The following NAV2 variants were observed in gnomAD, a reference collection of about 807,000 sequenced individuals.
The protein encoded by NAV2 is neuron navigator 2.
In NAV2, 54 loss-of-function variants were observed where a neutral mutation model predicts 223.2. The ratio of observed to expected loss-of-function variants is 0.24; its 90% CI spans 0.19 to 0.30. NAV2 has a LOEUF of 0.30. Ranked by LOEUF, NAV2 falls within the 10% of genes least tolerant of loss-of-function variation. NAV2 has a pLI of 1.00. For synonymous variants in NAV2, 1,279 were observed against 1,239.3 expected (o/e 1.03, Z -0.67); for missense variants, 2,806 against 3,147.5 (o/e 0.89, Z 2.60).
chr11:19,755,839 T>C (rs151200049), intron 1 of NAV2, among the ~76,000 whole-genome samples: 12 of 152,304 alleles, frequency 7.9e-5, no homozygotes, highest in Non-Finnish European at 1.6e-4. Context: ...AAATACGATA[T>C]GGAGTTTTAT....
intron 1 of NAV2, among the ~76,000 whole-genome samples, chr11:19,609,359 G>T (rs2046568817): frequency 6.6e-6 from 1 of 152,120 alleles, no homozygotes; most frequent in Admixed American, 6.5e-5. Flanking sequence ...AGGAAAGAGG[G>T]GAGGGAGAAA....
chr11:19,485,090 G>A (rs1238871112), intron 1 of NAV2, among the ~76,000 whole-genome samples: 2 of 152,066 alleles, frequency 1.3e-5, no homozygotes, highest in African/African-American at 4.8e-5. Context: ...CCTTGGCCTT[G>A]CCCTAGAACA....
the NAV2 span, among the ~76,000 whole-genome samples, chr11:19,345,603 G>A: frequency 6.6e-6 from 1 of 152,224 alleles, no homozygotes; most frequent in African/African-American, 2.4e-5. The surrounding 1 kb of genome is among the most constrained non-coding windows in gnomAD (Gnocchi z 5.2). Context: ...CGGACGCATA[G>A]CCACCCGTGC....
At chr11:19,715,058 A>G (rs555831946) in intron 1 of NAV2, among the ~76,000 whole-genome samples, 48 of 152,166 alleles carry the variant, frequency 3.2e-4, no homozygotes, top group Middle Eastern at 6.8e-3. Flanking sequence ...CACCATCTCC[A>G]CCTTCTCCTG....
At chr11:19,377,109 A>G (rs1322062943) in intron 1 of NAV2, among the ~76,000 whole-genome samples, 1 of 152,172 alleles carries the variant, frequency 6.6e-6, no homozygotes. Context: ...GCTCCCAGCA[A>G]TCTCTGTCCT....
At chr11:19,684,140 G>A (rs1274964164) in intron 1 of NAV2, among the ~76,000 whole-genome samples, 2 of 152,130 alleles carry the variant, frequency 1.3e-5, no homozygotes, top group Non-Finnish European at 2.9e-5. Context: ...GGGATAATTA[G>A]CTCCATTTTC....
At chr11:19,431,256 C>T (rs2133595947) in intron 1 of NAV2, among the ~76,000 whole-genome samples, 2 of 152,290 alleles carry the variant, frequency 1.3e-5, no homozygotes, top group South Asian at 4.1e-4. Flanking sequence ...CTGTTGCTTC[C>T]TGGAGCAAGA....
chr11:19,707,807 C>T (rs1432502470), intron 1 of NAV2, among the ~76,000 whole-genome samples: 2 of 152,182 alleles, frequency 1.3e-5, no homozygotes, highest in African/African-American at 4.8e-5. Context: ...AACATGAGTA[C>T]TGTGTTGCAC....
At chr11:19,556,885 C>G (rs1048923326) in intron 1 of NAV2, among the ~76,000 whole-genome samples, 2 of 152,190 alleles carry the variant, frequency 1.3e-5, no homozygotes, top group African/African-American at 4.8e-5. Context: ...GAAATAAAAA[C>G]GTCATTTTTC....
intron 1 of NAV2, among the ~76,000 whole-genome samples, chr11:19,601,156 A>G (rs1390948530): frequency 6.6e-6 from 1 of 152,180 alleles, no homozygotes; most frequent in East Asian, 1.9e-4. Flanking sequence ...CCCAAAGCCT[A>G]GGACTGGCCC....
chr11:19,692,622 C>A (rs139557646), intron 1 of NAV2, among the ~76,000 whole-genome samples: 6 of 152,320 alleles, frequency 3.9e-5, no homozygotes, highest in African/African-American at 1.2e-4. Context: ...TGAGCAAAAT[C>A]AAATCTTATC....
intron 1 of NAV2, among the ~76,000 whole-genome samples, chr11:19,800,383 C>T (rs922486864): frequency 6.6e-6 from 1 of 152,164 alleles, no homozygotes; most frequent in Non-Finnish European, 1.5e-5. Context: ...CTCCTGGGAA[C>T]ATGTATGGGC....
At chr11:20,028,419 A>AGCTGAG (rs2153550409) in intron 11 of NAV2, among the ~76,000 whole-genome samples, 1 of 152,312 alleles carries the variant, frequency 6.6e-6, no homozygotes, top group African/African-American at 2.4e-5. Context: ...GTAGAGAAAC[A>AGCTGAG]GCTGAGGCTG....
At chr11:19,580,384 GC>G (rs1469521847) in intron 1 of NAV2, among the ~76,000 whole-genome samples, 1 of 151,742 alleles carries the variant, frequency 6.6e-6, no homozygotes, top group Non-Finnish European at 1.5e-5. Context: ...AGTTATGGGG[GC>G]TGAGAAGTCC....
chr11:19,564,399 G>T (rs954129051), intron 1 of NAV2, among the ~76,000 whole-genome samples: 7 of 152,210 alleles, frequency 4.6e-5, no homozygotes, highest in African/African-American at 1.7e-4. Flanking sequence ...TGCGCTGGCT[G>T]ACACTGGCTC....
intron 1 of NAV2, among the ~76,000 whole-genome samples, chr11:19,448,431 G>T (rs989484589): frequency 1.3e-5 from 2 of 152,190 alleles, no homozygotes; most frequent in Non-Finnish European, 2.9e-5. Flanking sequence ...CTCTCATTGC[G>T]TGGATTGGAA....
At chr11:19,600,925 A>G (rs1238514520) in intron 1 of NAV2, among the ~76,000 whole-genome samples, 26 of 152,184 alleles carry the variant, frequency 1.7e-4, no homozygotes, top group Admixed American at 1.6e-3. Flanking sequence ...CTACTATACC[A>G]TGTGACTTTG....
At chr11:19,802,457 A>G (rs2058327925) in intron 1 of NAV2, among the ~76,000 whole-genome samples, 1 of 152,190 alleles carries the variant, frequency 6.6e-6, no homozygotes, top group Non-Finnish European at 1.5e-5. Context: ...CTCCCCAGCC[A>G]CCTGTGATCT....
chr11:19,497,960 G>A (rs1223819094), intron 1 of NAV2, among the ~76,000 whole-genome samples: 2 of 152,202 alleles, frequency 1.3e-5, no homozygotes, highest in Non-Finnish European at 2.9e-5. Flanking sequence ...AGCTCATTTT[G>A]TGCTCACAGT....
Sources: gnomAD v4.1 joint callset for allele counts (sites outside exome capture counted in the v4.1 genomes callset) on GRCh38, gnomAD v4.1.1 for gene constraint, Gnocchi (gnomAD v3.1) non-coding constraint, MANE v1.5 for transcripts, NCBI Gene and HGNC (gene_info 2026-07-23, HGNC 2026-07-21) for gene names.